The following CCDC171 variants were observed in gnomAD, a reference collection of about 807,000 sequenced individuals.
CCDC171 encodes the protein coiled-coil domain-containing protein 171.
A neutral mutation model predicts 168.2 loss-of-function variants in CCDC171; 177 were observed. The ratio of observed to expected loss-of-function variants is 1.05; its 90% confidence interval spans 0.93 to 1.19. The LOEUF (loss-of-function observed/expected upper bound fraction) is 1.19, where lower values mean the gene tolerates loss of function less well. Among genes scored for constraint, CCDC171 ranks in the 50% most tolerant of loss-of-function variants. The pLI is 0.00. For missense variants in CCDC171, 1,991 were observed against 1,539.0 expected, an observed-to-expected ratio of 1.29 and a Z score of -4.91; for synonymous variants, 687 against 540.8, an observed-to-expected ratio of 1.27 and a Z score of -3.75.
At chr9:15,833,114 A>T (rs2060303195) in intron 21 of CCDC171, among the ~76,000 whole-genome samples, 1 of 150,610 alleles carries the variant, frequency 6.6e-6, no homozygotes, top group Admixed American at 6.7e-5. Context: ...CAGCCTCCTG[A>T]GTAGCTGGGA....
the CCDC171 span, among the ~76,000 whole-genome samples, chr9:16,093,749 A>G: frequency 4.6e-5 from 7 of 152,304 alleles, no homozygotes; most frequent in African/African-American, 1.4e-4. Context: ...GAATGACAGG[A>G]CAAGCATGCC....
chr9:15,788,582 G>A (rs1208736105), intron 21 of CCDC171, among the ~76,000 whole-genome samples: 1 of 149,412 alleles, frequency 6.7e-6, no homozygotes, highest in Admixed American at 6.7e-5. Flanking sequence ...TAAATCATAT[G>A]TTTTTGTTTT....
In CCDC171 at chr9:15,631,751, G is replaced by A. The variant is rs200548826; in HGVS notation, c.822+8338G>A. ...ATTTTAGACCACTATCCTTGATGAA[G>A]ATTGATGCAAAAATCCTCAGTAAAA... On this transcript the variant is annotated intron_variant, in intron 7 of 25. Transcript: ENST00000380701. Among the ~76,000 whole-genome samples, 3 of 152,080 alleles carry A rather than the reference G, an allele frequency of 2.0e-5. No homozygotes were observed. In the South Asian group the frequency reaches 6.2e-4, roughly 32 times the overall value.
At chr9:15,783,747 A>G (rs1051637675) in intron 20 of CCDC171, among the ~76,000 whole-genome samples, 3 of 152,190 alleles carry the variant, frequency 2.0e-5, no homozygotes, top group Non-Finnish European at 4.4e-5. Context: ...TCCAGAGCAG[A>G]GTACTGTGCC....
At chr9:15,693,000 G>C (rs1409943943) in intron 10 of CCDC171, among the ~76,000 whole-genome samples, 1 of 151,962 alleles carries the variant, frequency 6.6e-6, no homozygotes, top group Non-Finnish European at 1.5e-5. Flanking sequence ...AGTCGGGTGT[G>C]GTCGTGGGCA....
At chr9:16,012,594 A>G (rs765055537) in intron 3 of CCDC171, among the ~76,000 whole-genome samples, 3 of 84,294 alleles carry the variant, frequency 3.6e-5, no homozygotes. Flanking sequence ...AGAATTCGTT[A>G]TGGATTGCTG....
In CCDC171 at chr9:15,591,398, G is replaced by T; in HGVS notation, c.385G>T (p.Glu129Ter). 2 of 1,605,636 alleles carry T rather than the reference G, an allele frequency of 1.2e-6. No homozygotes were observed. Among genetic ancestry groups the T allele is most frequent in the Non-Finnish European group, 1.7e-6 (2 of 1,176,836 alleles). ...TTCAGAACTTCAAGCAAAGACAAAT[G>T]AGACTGAGAAAGCATTTCAGACTTC... ...QNSELQAKTN[E>*]TEKAFQTSQQ... is the part of the protein sequence containing the mutation. Residue 129 changes from glutamate to a stop codon, truncating the protein, a stop_gained, in exon 5 of 26, where the codon GAG becomes TAG. Coordinates refer to ENST00000380701, the MANE Select transcript of CCDC171 (RefSeq NM_173550.4). LOFTEE classifies it high-confidence loss of function.
intron 7 of CCDC171, among the ~76,000 whole-genome samples, chr9:15,648,891 A>G (rs1289797453): frequency 6.6e-6 from 1 of 152,196 alleles, no homozygotes; most frequent in African/African-American, 2.4e-5. Context: ...GAATTGGAAA[A>G]AACTACTTTG....
the CCDC171 span, among the ~76,000 whole-genome samples, chr9:16,096,625 A>C: frequency 6.6e-6 from 1 of 152,184 alleles, no homozygotes; most frequent in African/African-American, 2.4e-5. Flanking sequence ...GAGAAGAGAA[A>C]GTTTGAGGTA....
chr9:15,675,842 C>G (rs754787321), intron 9 of CCDC171, among the ~76,000 whole-genome samples: 1 of 151,980 alleles, frequency 6.6e-6, no homozygotes, highest in Admixed American at 6.6e-5. Context: ...ATCTGACAAT[C>G]GTGCATCTTG....
the CCDC171 span, among the ~76,000 whole-genome samples, chr9:16,088,169 A>G: frequency 2.8e-4 from 42 of 152,256 alleles, 1 homozygote; most frequent in Admixed American, 3.9e-4. Flanking sequence ...ATAAAATTCA[A>G]CTCTGCTTCA....
intron 3 of CCDC171, among the ~76,000 whole-genome samples, chr9:16,011,715 G>A (rs1212151622): frequency 1.3e-5 from 2 of 152,138 alleles, no homozygotes; most frequent in African/African-American, 4.8e-5. Context: ...GACTGGTTTA[G>A]GGCAGGATAA....
At chr9:15,719,436 GAGAGAGAGA>G (rs1564279530) in intron 11 of CCDC171, among the ~76,000 whole-genome samples, 22 of 141,964 alleles carry the variant, frequency 1.5e-4, no homozygotes, top group South Asian at 2.3e-4. Context: ...GAGAGAGAGA[GAGAGAGAGA>G]GAAAGTTTAT....
rs77262900 is a variant in CCDC171, at chr9:15,563,700, G to A, written c.-111-278G>A. On this transcript the variant is annotated intron_variant, in intron 1 of 25. Transcript: ENST00000380701. The stretch of plus-strand genomic sequence containing the variant: ...AAATTTCAACCTCTGTCCTAGGTCA[G>A]ACTGTTCAGTCAGCCACGTGAATCA... Among the ~76,000 whole-genome samples, 5 of 152,130 alleles carry A rather than the reference G, an allele frequency of 3.3e-5. No individual in the cohort carries two copies. The East Asian group carries it at 9.6e-4, about 29-fold the overall frequency.
rs370136504 is a variant in CCDC171 at position 15,669,415 on chromosome 9, A to G, written c.1076+3092A>G. Among the ~76,000 whole-genome samples the G allele has an allele frequency of 1.6e-4, 24 of 152,314 alleles. No homozygotes were observed. The East Asian group carries it at 3.9e-3, about 24-fold the overall frequency. On this transcript the variant is annotated intron_variant, in intron 9 of 25. Transcript: ENST00000380701. The stretch of plus-strand genomic sequence containing the variant: ...TACAAGCATACAATGTGTGATGATC[A>G]AATCAGGGTAATTGGGCTATCCATT...
Position 15,791,138 on chromosome 9 carries a change from T to G in CCDC171, c.3267+6444T>G, listed in dbSNP as rs1156611369. ...GTTTTTTCCAATTCTGTGAAGAAAG[T>G]CATTGGTAGCTTGATGGGGATGGCA... is the stretch of plus-strand genomic sequence containing the variant. On this transcript the variant is annotated intron_variant, in intron 21 of 25. Transcript: ENST00000380701. 3.3e-5 allele frequency among the ~76,000 whole-genome samples: 5 copies of G among 152,204 alleles called. No individual in the cohort carries two copies. The East Asian group carries it at 9.6e-4, about 29-fold the overall frequency.
chr9:15,885,708 A>G (rs1038826134), intron 24 of CCDC171: 3 of 152,198 alleles, frequency 2.0e-5, no homozygotes, highest in Admixed American at 6.5e-5. Flanking sequence ...AGTTCTTCAA[A>G]TTGATGCCGC....
chr9:15,601,221 A>C (rs761294321), intron 6 of CCDC171, among the ~76,000 whole-genome samples: 2 of 152,178 alleles, frequency 1.3e-5, no homozygotes, highest in Non-Finnish European at 2.9e-5. Flanking sequence ...CGTCTTTTGC[A>C]TCGCTCTTGC....
In CCDC171 at chr9:15,727,897, A is replaced by G. The variant is rs1232165369; in HGVS notation, c.1721A>G (p.Tyr574Cys). 4 of 1,612,524 alleles carry G rather than the reference A, an allele frequency of 2.5e-6. No homozygotes were observed. The African/African-American group carries it at 4.0e-5, about 16-fold the overall frequency. ...AAGCTAACCTTCCTTCACACCTTAT[A>G]TCAGCACTTGGTAGCAGGCTGTGTG... is the stretch of plus-strand genomic sequence containing the variant. ...EEKLTFLHTLYQHLVAGCVLI... is the reference protein window; with the variant it reads ...EEKLTFLHTLCQHLVAGCVLI... The change falls in exon 15 of 26, where the codon TAT becomes TGT. Residue 574 changes from tyrosine to cysteine, a missense_variant. Transcript: ENST00000380701.
Sources: gnomAD v4.1 joint callset for allele counts (sites outside exome capture counted in the v4.1 genomes callset) on GRCh38, gnomAD v4.1.1 for gene constraint, MANE v1.5 for transcripts, NCBI Gene and HGNC (gene_info 2026-07-23, HGNC 2026-07-21) for gene names.